ARHGAP39: variants seen among roughly 807,000 people sequenced by gnomAD.
ARHGAP39 encodes the protein Rho GTPase activating protein 39, also known as rho GTPase-activating protein 39.
A neutral mutation model predicts 106.9 loss-of-function variants in ARHGAP39; 44 were observed. The observed-to-expected ratio is 0.41, with a 90% CI of 0.32 to 0.53. ARHGAP39 has a LOEUF of 0.53. Among genes scored for constraint, ARHGAP39 ranks in the 20% least tolerant of loss-of-function variants. The pLI is 0.21. For synonymous variants in ARHGAP39, 768 were observed against 693.2 expected, an observed-to-expected ratio of 1.11 and a Z score of -1.69; for missense variants, 1,496 against 1,577.3, an observed-to-expected ratio of 0.95 and a Z score of 0.87.
intron 3 of ARHGAP39, among the ~76,000 whole-genome samples, chr8:144,575,555 C>T (rs1818740435): frequency 2.0e-5 from 3 of 152,168 alleles, no homozygotes; most frequent in Non-Finnish European, 4.4e-5. Context: ...CACCGTCTTC[C>T]CATTGCCACA....
At chr8:144,590,286 T>C (rs1313857895) in intron 2 of ARHGAP39, among the ~76,000 whole-genome samples, 1 of 152,206 alleles carries the variant, frequency 6.6e-6, no homozygotes, top group African/African-American at 2.4e-5. Flanking sequence ...TTCTGACCAC[T>C]GGTGATGACA....
At chr8:144,653,501 A>C (rs1821623660) in intron 1 of ARHGAP39, among the ~76,000 whole-genome samples, 1 of 152,156 alleles carries the variant, frequency 6.6e-6, no homozygotes, top group Admixed American at 6.5e-5. Context: ...TGGAAGCACA[A>C]GCTCCTCCAC....
chr8:144,684,233 C>T lies in ARHGAP39; in HGVS notation c.-82+1453G>A, dbSNP rs940275658. On this transcript the variant is annotated intron_variant, in intron 1 of 11. Transcript: ENST00000377307. This position sits in a 1 kb window ranked among gnomAD's most constrained non-coding sequence, Gnocchi z 4.4. ...CAAGCATTTATGGCTACAGAGCCTGCGCCCAGGGCGGTTTATGGAATGAGT... is the reference window on the plus strand; with the variant it reads ...CAAGCATTTATGGCTACAGAGCCTGTGCCCAGGGCGGTTTATGGAATGAGT... 6.6e-6 allele frequency among the ~76,000 whole-genome samples: 1 copy of T among 152,190 alleles called. No homozygotes were observed. Among genetic ancestry groups the T allele is most frequent in the African/African-American group, 2.4e-5 (1 of 41,446 alleles).
At chr8:144,553,764 A>C (rs768743399) in intron 4 of ARHGAP39, among the ~76,000 whole-genome samples, 3 of 152,258 alleles carry the variant, frequency 2.0e-5, no homozygotes, top group Non-Finnish European at 2.9e-5. Flanking sequence ...ACACTGGCCA[A>C]GGGCCAGGGA....
intron 3 of ARHGAP39, among the ~76,000 whole-genome samples, chr8:144,580,481 A>G (rs562951969): frequency 1.3e-5 from 2 of 152,280 alleles, no homozygotes; most frequent in South Asian, 4.1e-4. Context: ...GAGAGACAAG[A>G]AAGTGCTCAC....
At chr8:144,616,671 T>C (rs1200816713) in intron 1 of ARHGAP39, among the ~76,000 whole-genome samples, 1 of 152,152 alleles carries the variant, frequency 6.6e-6, no homozygotes, top group African/African-American at 2.4e-5. Context: ...CCAAGGGCCA[T>C]AGGGGCAGCA....
At chr8:144,664,010 TACA>T (rs1821899419) in intron 1 of ARHGAP39, among the ~76,000 whole-genome samples, 1 of 151,646 alleles carries the variant, frequency 6.6e-6, no homozygotes, top group Non-Finnish European at 1.5e-5. Context: ...CTACGAAAAA[TACA>T]ACAATTAGCC....
At chr8:144,533,488 C>G (rs1282585293) in intron 8 of ARHGAP39, among the ~76,000 whole-genome samples, 163 bp from the exon 9 acceptor site, 1 of 152,214 alleles carries the variant, frequency 6.6e-6, no homozygotes, top group Non-Finnish European at 1.5e-5. Flanking sequence ...CACTGTCCAT[C>G]CCTGGACCAG....
In ARHGAP39 at chr8:144,671,075, G is replaced by C. The variant is rs938875340; in HGVS notation, c.-82+14611C>G. Among the ~76,000 whole-genome samples the C allele has an allele frequency of 6.6e-6, 1 of 152,134 alleles. No homozygotes were observed. The highest frequency in any genetic ancestry group is 2.4e-5 in the African/African-American group (1 of 41,412). On this transcript the variant is annotated intron_variant, in intron 1 of 11. Transcript: ENST00000377307. The surrounding 1 kb of genome is among the most constrained non-coding windows in gnomAD (Gnocchi z 4.5). ...CCAAGCTTCTCCCGAAACCCAACCA[G>C]GGCCCTTCACATACCAAGCACATGC...
intron 3 of ARHGAP39, among the ~76,000 whole-genome samples, chr8:144,569,969 C>G (rs1404378958): frequency 1.3e-5 from 2 of 152,126 alleles, no homozygotes; most frequent in African/African-American, 4.8e-5. Context: ...GCCTGTAATC[C>G]CAGCACTTTG....
chr8:144,575,385 A>T (rs1818734138), intron 3 of ARHGAP39, among the ~76,000 whole-genome samples: 2 of 152,198 alleles, frequency 1.3e-5, no homozygotes, highest in African/African-American at 4.8e-5. Flanking sequence ...CACTTTGCTT[A>T]ACATACACAT....
At position 144,585,599 on chromosome 8, in the gene ARHGAP39, A is replaced by G. The variant is rs1179972598; in HGVS notation, c.81-4322T>C. 2.6e-5 allele frequency among the ~76,000 whole-genome samples: 4 copies of G among 152,164 alleles called. No homozygotes were observed. Among genetic ancestry groups the G allele is most frequent in the Non-Finnish European group, 5.9e-5 (4 of 68,024 alleles). Reference sequence around the variant, plus strand: ...CTCCCATCGTTAGAAACACAGGGACACCAACATGGTGCACCTCGAACCCCC... The same window carrying G: ...CTCCCATCGTTAGAAACACAGGGACGCCAACATGGTGCACCTCGAACCCCC... On this transcript the variant is annotated intron_variant, in intron 2 of 11. Coordinates refer to ENST00000377307, the MANE Select transcript of ARHGAP39 (RefSeq NM_025251.3). This position sits in a 1 kb window ranked among gnomAD's most constrained non-coding sequence, Gnocchi z 4.6.
intron 3 of ARHGAP39, among the ~76,000 whole-genome samples, chr8:144,556,624 T>G (rs1409606170): frequency 2.0e-5 from 3 of 151,118 alleles, no homozygotes; most frequent in Non-Finnish European, 4.4e-5. Context: ...TTCATAGTAT[T>G]CAGAGGCAAA....
intron 2 of ARHGAP39, among the ~76,000 whole-genome samples, chr8:144,584,426 TA>T (rs1162883169): frequency 2.0e-5 from 3 of 151,848 alleles, no homozygotes; most frequent in Non-Finnish European, 4.4e-5. Flanking sequence ...GCTTGTTAAA[TA>T]GCTTTGTTTC....
intron 7 of ARHGAP39, among the ~76,000 whole-genome samples, chr8:144,535,347 G>A (rs1332473287): frequency 6.6e-6 from 1 of 152,154 alleles, no homozygotes; most frequent in Admixed American, 6.5e-5. Flanking sequence ...TAGACGTTTA[G>A]GTCCTAGAAA....
In ARHGAP39 at chr8:144,647,789, A is replaced by G. The variant is rs1167844732; in HGVS notation, c.-82+37897T>C. On this transcript the variant is annotated intron_variant, in intron 1 of 11. Transcript: ENST00000377307. The surrounding 1 kb of genome is among the most constrained non-coding windows in gnomAD (Gnocchi z 4.8). ...CATGCATGCGTCCACGGGGACCCCA[A>G]GAGAGGGAACCAGAGGGAACAATGG... Among the ~76,000 whole-genome samples the G allele has an allele frequency of 1.3e-5, 2 of 152,238 alleles. No homozygotes were observed. The highest frequency in any genetic ancestry group is 2.9e-5 in the Non-Finnish European group (2 of 68,032).
intron 3 of ARHGAP39, among the ~76,000 whole-genome samples, chr8:144,567,395 G>A (rs868335838): frequency 3.9e-5 from 6 of 152,328 alleles, no homozygotes; most frequent in East Asian, 1.9e-4. Flanking sequence ...TAACGCCAGC[G>A]TCTGGGAAGA....
chr8:144,624,039 T>C (rs550945271), intron 1 of ARHGAP39, among the ~76,000 whole-genome samples: 1 of 152,316 alleles, frequency 6.6e-6, no homozygotes, highest in East Asian at 1.9e-4. Context: ...AGCCTCGTGC[T>C]GCAAACAAGC....
chr8:144,593,375 T>C (rs1375227111), intron 2 of ARHGAP39, among the ~76,000 whole-genome samples: 1 of 152,136 alleles, frequency 6.6e-6, no homozygotes, highest in East Asian at 1.9e-4. Flanking sequence ...GGTGGACGTC[T>C]ACCTGCAAAC....
Sources: gnomAD v4.1 joint callset for allele counts (sites outside exome capture counted in the v4.1 genomes callset) on GRCh38, gnomAD v4.1.1 for gene constraint, Gnocchi (gnomAD v3.1) non-coding constraint, MANE v1.5 for transcripts, NCBI Gene and HGNC (gene_info 2026-07-23, HGNC 2026-07-21) for gene names.